DMD: variants seen among roughly 807,000 people sequenced by gnomAD.
DMD encodes mutant dystrophin.
DMD carries 63 observed loss-of-function variants against 330.1 expected under a neutral mutation model. The observed-to-expected ratio is 0.19, with a 90% CI of 0.16 to 0.24. The LOEUF is 0.24. Among genes scored for constraint, DMD ranks in the 10% least tolerant of loss-of-function variants. The probability of loss-of-function intolerance (pLI) is 1.00; values close to 1 mark genes in which losing one functional copy is unlikely to be tolerated. For synonymous variants in DMD, 1,223 were observed against 959.8 expected, an observed-to-expected ratio of 1.27 and a Z score of -5.07; for missense variants, 3,344 against 2,684.1, an observed-to-expected ratio of 1.25 and a Z score of -5.43.
intron 74 of DMD, among the ~76,000 whole-genome samples, chrX:31,156,427 C>G (rs543125871): frequency 3.7e-4 from 42 of 112,179 alleles, no homozygotes; most frequent in African/African-American, 1.3e-3. Flanking sequence ...TTGAACAATG[C>G]CACTTTTTGA....
At chrX:32,825,286 A>C (rs2078607410) in intron 4 of DMD, among the ~76,000 whole-genome samples, 1 of 111,454 alleles carries the variant, frequency 9.0e-6, no homozygotes, top group Non-Finnish European at 1.9e-5. Flanking sequence ...CTTAGATTCC[A>C]GTAACCCCTT....
intron 37 of DMD, among the ~76,000 whole-genome samples, chrX:32,355,245 C>G (rs1472451346): frequency 9.0e-6 from 1 of 110,520 alleles, no homozygotes; most frequent in Non-Finnish European, 1.9e-5. Flanking sequence ...TAAATAGAGG[C>G]AGTAAACTAT....
At chrX:31,175,506 T>C (rs1451828530) in intron 71 of DMD, among the ~76,000 whole-genome samples, 1 of 110,702 alleles carries the variant, frequency 9.0e-6, no homozygotes, top group Non-Finnish European at 1.9e-5. Flanking sequence ...AAATATACAC[T>C]AAAAGAGACA....
intron 4 of DMD, among the ~76,000 whole-genome samples, chrX:32,827,595 C>A (rs1354314204): frequency 2.7e-5 from 3 of 109,699 alleles, no homozygotes; most frequent in Non-Finnish European, 5.7e-5. Flanking sequence ...ACCTTTTACT[C>A]TTGAGTAGGC....
intron 62 of DMD, among the ~76,000 whole-genome samples, chrX:31,295,044 TGTAGTGCA>T (rs1276334789): frequency 9.0e-6 from 1 of 111,611 alleles, no homozygotes; most frequent in Admixed American, 9.5e-5. Flanking sequence ...TTGCCCAGGC[TGTAGTGCA>T]GTAGCGCGAT....
intron 62 of DMD, among the ~76,000 whole-genome samples, chrX:31,317,276 T>C (rs945584321): frequency 9.0e-6 from 1 of 111,432 alleles, no homozygotes; most frequent in Non-Finnish European, 1.9e-5. Context: ...TTGCGATGCC[T>C]AGCCTATTTA....
At chrX:31,409,916 T>G (rs189866697) in intron 60 of DMD, among the ~76,000 whole-genome samples, 1,237 of 111,824 alleles carry the variant, frequency 0.011, 24 homozygotes, top group African/African-American at 0.038. Context: ...CCTTCCGGGT[T>G]CCAGAGATTG....
chrX:31,424,722 T>C (rs1415413590), intron 60 of DMD, among the ~76,000 whole-genome samples: 1 of 112,702 alleles, frequency 8.9e-6, no homozygotes, highest in Non-Finnish European at 1.9e-5. Flanking sequence ...CAAAATCTAG[T>C]GCTGTAAAGG....
intron 44 of DMD, among the ~76,000 whole-genome samples, chrX:32,073,905 C>T (rs987982501): frequency 2.7e-5 from 3 of 111,150 alleles, no homozygotes; most frequent in African/African-American, 9.8e-5. Context: ...AATATGAGAA[C>T]ATTTTCATAA....
At chrX:32,451,345 A>C (rs1157210374) in intron 26 of DMD, among the ~76,000 whole-genome samples, 1 of 110,671 alleles carries the variant, frequency 9.0e-6, no homozygotes, top group African/African-American at 3.3e-5. Flanking sequence ...TACTATTCTC[A>C]CTTTATGTGT....
intron 55 of DMD, among the ~76,000 whole-genome samples, chrX:31,559,414 G>A (rs1164430798): frequency 1.0e-5 from 1 of 96,636 alleles, no homozygotes; most frequent in African/African-American, 4.3e-5. Flanking sequence ...AGGCCGAGAC[G>A]GGCGGATCAC....
intron 13 of DMD, among the ~76,000 whole-genome samples, chrX:32,592,036 A>G (rs1453889395): frequency 9.0e-6 from 1 of 111,675 alleles, no homozygotes; most frequent in Admixed American, 9.4e-5. Context: ...CATGGGAGAG[A>G]GGCTGAGTGG....
At chrX:31,876,902 A>G (rs1310062366) in intron 47 of DMD, among the ~76,000 whole-genome samples, 1 of 111,177 alleles carries the variant, frequency 9.0e-6, no homozygotes, top group Non-Finnish European at 1.9e-5. Flanking sequence ...ATAAAATTTT[A>G]TAATATACAT....
intron 1 of DMD, among the ~76,000 whole-genome samples, chrX:33,082,176 A>G (rs1332521877): frequency 8.9e-6 from 1 of 112,120 alleles, no homozygotes; most frequent in Admixed American, 9.5e-5. Context: ...AGAGAAAAAC[A>G]TAAAGGCCTT....
In DMD at chrX:32,873,446, T is replaced by C. The variant is rs1220318518; in HGVS notation, c.94-23626A>G. Among the ~76,000 whole-genome samples the C allele has an allele frequency of 5.4e-5, 6 of 110,987 alleles. No homozygotes were observed. The East Asian group carries it at 1.7e-3, about 31-fold the overall frequency. ...TGGATGAGCCCGTTATGACATGCAT[T>C]GCCTGTTAATTCTGATCCAAGTGTA... On this transcript the variant is annotated intron_variant, in intron 2 of 78. Coordinates refer to ENST00000357033, the MANE Select transcript of DMD (RefSeq NM_004006.3).
intron 6 of DMD, among the ~76,000 whole-genome samples, chrX:32,815,520 T>TATATATATACACACACACACACACAC: frequency 3.8e-5 from 3 of 78,959 alleles, no homozygotes; most frequent in African/African-American, 1.6e-4. Flanking sequence ...TATATATATA[T>TATATATATACACACACACACACACAC]ACACACACAC....
At chrX:32,064,368 T>G (rs1248943295) in intron 44 of DMD, among the ~76,000 whole-genome samples, 1 of 111,350 alleles carries the variant, frequency 9.0e-6, no homozygotes, top group South Asian at 3.7e-4. Context: ...TATATCTAAG[T>G]GTAAAATGCA....
At chrX:32,543,997 G>A (rs228366) in intron 17 of DMD, among the ~76,000 whole-genome samples, 15,538 of 111,535 alleles carry the variant, frequency 0.14, 1,012 homozygotes, top group East Asian at 0.3. Context: ...ATTTTGACAT[G>A]TCATAAAATA....
chrX:32,405,175 AG>A (rs989823527), intron 30 of DMD, among the ~76,000 whole-genome samples: 2 of 111,969 alleles, frequency 1.8e-5, no homozygotes, highest in Non-Finnish European at 3.8e-5. Flanking sequence ...TGAATAAAAA[AG>A]TTTCCAAAAA....
Sources: gnomAD v4.1 joint callset for allele counts (sites outside exome capture counted in the v4.1 genomes callset) on GRCh38, gnomAD v4.1.1 for gene constraint, MANE v1.5 for transcripts, NCBI Gene and HGNC (gene_info 2026-07-23, HGNC 2026-07-21) for gene names.